The following NELL1 variants were observed in gnomAD, a reference collection of about 807,000 sequenced individuals.
The protein encoded by NELL1 is neural EGFL like 1, also known as protein kinase C-binding protein NELL1.
Under a neutral mutation model 107.4 loss-of-function variants are expected in NELL1, and 76 were observed. The ratio of observed to expected loss-of-function variants is 0.71; its 90% CI spans 0.59 to 0.86. NELL1 has a LOEUF of 0.86. Ranked by LOEUF, NELL1 falls within the 40% of genes least tolerant of loss-of-function variation. The probability of loss-of-function intolerance (pLI) is 0.00; values close to 1 mark genes in which losing one functional copy is unlikely to be tolerated. For synonymous variants in NELL1, 353 were observed against 341.2 expected, an observed-to-expected ratio of 1.03 and a Z score of -0.38; for missense variants, 1,024 against 1,005.5, an observed-to-expected ratio of 1.02 and a Z score of -0.25.
rs537554632 is a variant in NELL1, at chr11:21,088,138, G to A, written c.1301-25451G>A. 2.6e-4 allele frequency among the ~76,000 whole-genome samples: 39 copies of A among 150,180 alleles called. No individual in the cohort carries two copies. In the South Asian group the frequency reaches 4.2e-3, roughly 16 times the overall value. On this transcript the variant is annotated intron_variant, in intron 12 of 19. Coordinates refer to ENST00000357134, the MANE Select transcript of NELL1 (RefSeq NM_006157.5). ...GAATAAATTTTGTAGCTTCAATAAA[G>A]GCTATTGTTCTAGATTTTATGTACC... is the stretch of plus-strand genomic sequence containing the variant.
chr11:21,399,015 G>C (rs1852039325), intron 15 of NELL1, among the ~76,000 whole-genome samples: 1 of 149,702 alleles, frequency 6.7e-6, no homozygotes, highest in African/African-American at 2.4e-5. Context: ...TCTTTTGGTG[G>C]TAAGAACAGC....
intron 15 of NELL1, among the ~76,000 whole-genome samples, chr11:21,473,080 G>A (rs926658599): frequency 1.3e-5 from 2 of 152,028 alleles, no homozygotes; most frequent in Non-Finnish European, 2.9e-5. Context: ...TATAAAAGAT[G>A]CACAGATAAG....
chr11:21,560,036 AG>A (rs1329717721), intron 16 of NELL1, among the ~76,000 whole-genome samples, 152 bp from the exon 17 acceptor site: 2 of 152,140 alleles, frequency 1.3e-5, no homozygotes, highest in Non-Finnish European at 2.9e-5. Flanking sequence ...ACTGACTTGC[AG>A]TGTAAATGAG....
rs565238997 is a variant in NELL1 at position 21,176,390 on chromosome 11, C to G, written c.1427-52942C>G. 4.6e-5 allele frequency among the ~76,000 whole-genome samples: 7 copies of G among 151,682 alleles called. 1 individual carries two copies. The highest frequency in any genetic ancestry group is 1.7e-4 in the African/African-American group (7 of 41,046). ...ATTTCCAGAGCCCTCTTGTCTTACT[C>G]GCATGGGATTATTGGAAAGTGATGG... On this transcript the variant is annotated intron_variant, in intron 13 of 19. Coordinates refer to ENST00000357134, the MANE Select transcript of NELL1 (RefSeq NM_006157.5).
chr11:21,540,571 G>T (rs1856266994), intron 16 of NELL1, among the ~76,000 whole-genome samples: 1 of 152,046 alleles, frequency 6.6e-6, no homozygotes, highest in South Asian at 2.1e-4. Flanking sequence ...AAGCATGGCT[G>T]GGGAGGCCTC....
At chr11:21,050,893 C>T (rs1171568096) in intron 12 of NELL1, among the ~76,000 whole-genome samples, 4 of 152,108 alleles carry the variant, frequency 2.6e-5, no homozygotes, top group African/African-American at 9.7e-5. Flanking sequence ...TACAATTCCT[C>T]ACCACCTTAC....
intron 2 of NELL1, among the ~76,000 whole-genome samples, chr11:20,711,093 C>T (rs866084879): frequency 1.6e-4 from 24 of 151,950 alleles, no homozygotes; most frequent in Middle Eastern, 6.8e-3. Context: ...TCTTGTTTCT[C>T]TAGTTCCCTG....
rs141145404 is a variant in NELL1, at chr11:21,273,234, G to A, written c.1549+43780G>A. On this transcript the variant is annotated intron_variant, in intron 14 of 19. Transcript: ENST00000357134. Reference sequence around the variant, plus strand: ...GGACCTGATGGAGCTGAAAACCAAGGCATGCGAACTACGTGATGAATGCAC... The same window carrying A: ...GGACCTGATGGAGCTGAAAACCAAGACATGCGAACTACGTGATGAATGCAC... Among the ~76,000 whole-genome samples the A allele has an allele frequency of 2.4e-3, 363 of 152,258 alleles. 8 individuals are homozygous for A. The East Asian group carries it at 0.04, about 17-fold the overall frequency.
At chr11:21,481,879 T>A (rs1016218688) in intron 15 of NELL1, among the ~76,000 whole-genome samples, 6 of 152,044 alleles carry the variant, frequency 3.9e-5, no homozygotes, top group Non-Finnish European at 5.9e-5. Context: ...ATTTTACGGG[T>A]ATTGGCTTAG....
intron 2 of NELL1, among the ~76,000 whole-genome samples, chr11:20,707,947 G>C (rs1156369028): frequency 6.6e-6 from 1 of 152,214 alleles, no homozygotes; most frequent in Non-Finnish European, 1.5e-5. Flanking sequence ...CCCAGAGCTG[G>C]AGTATACAGG....
At chr11:21,350,361 C>T (rs1290773462) in intron 14 of NELL1, among the ~76,000 whole-genome samples, 1 of 149,704 alleles carries the variant, frequency 6.7e-6, no homozygotes, top group Non-Finnish European at 1.5e-5. Flanking sequence ...TGAGCAAGAT[C>T]TTTTTAAAAA....
intron 2 of NELL1, among the ~76,000 whole-genome samples, chr11:20,726,261 A>C (rs1332895942): frequency 6.6e-6 from 1 of 152,198 alleles, no homozygotes; most frequent in Non-Finnish European, 1.5e-5. Context: ...ATACCCAGCA[A>C]TGGGATTGTT....
intron 15 of NELL1, among the ~76,000 whole-genome samples, chr11:21,407,792 A>G (rs1172296233): frequency 6.6e-6 from 1 of 151,218 alleles, no homozygotes; most frequent in Non-Finnish European, 1.5e-5. Context: ...TAGTCCTCAA[A>G]CATTGCTGCT....
intron 15 of NELL1, among the ~76,000 whole-genome samples, chr11:21,465,960 C>T (rs916925563): frequency 3.3e-5 from 5 of 152,156 alleles, no homozygotes; most frequent in Admixed American, 2.6e-4. Flanking sequence ...TACACACTAC[C>T]TTTCTAACTG....
At chr11:20,938,749 G>GA (rs1322747390) in intron 10 of NELL1, among the ~76,000 whole-genome samples, 15 of 152,132 alleles carry the variant, frequency 9.9e-5, no homozygotes, top group African/African-American at 3.4e-4. Flanking sequence ...TTTACTTAGG[G>GA]ACCTGCAAAT....
intron 14 of NELL1, among the ~76,000 whole-genome samples, chr11:21,232,149 A>ATGAT (rs577614917): frequency 5.6e-5 from 3 of 53,850 alleles, no homozygotes; most frequent in Non-Finnish European, 1.2e-4. Context: ...AAAAAAAATA[A>ATGAT]AAAAAAAAAA....
chr11:21,420,787 G>A (rs1852645776), intron 15 of NELL1, among the ~76,000 whole-genome samples: 3 of 152,126 alleles, frequency 2.0e-5, no homozygotes, highest in African/African-American at 4.8e-5. Context: ...ATATAAGGAA[G>A]TGTAAGTGTA....
At chr11:20,852,506 A>G (rs116646515) in intron 4 of NELL1, among the ~76,000 whole-genome samples, 383 of 152,340 alleles carry the variant, frequency 2.5e-3, no homozygotes, top group African/African-American at 8.9e-3. Flanking sequence ...TCTTCCTTCT[A>G]GAGAGCGCCA....
At chr11:20,991,645 G>T (rs533510133) in intron 12 of NELL1, among the ~76,000 whole-genome samples, 7 of 152,186 alleles carry the variant, frequency 4.6e-5, no homozygotes, top group African/African-American at 1.7e-4. Context: ...ACGTGCCTCG[G>T]ATTGGTCGTT....
Sources: allele counts gnomAD v4.1 joint callset (sites outside exome capture counted in the v4.1 genomes callset), GRCh38; gene constraint gnomAD v4.1.1; transcripts MANE v1.5; gene names NCBI Gene and HGNC (gene_info 2026-07-23, HGNC 2026-07-21).